The following CDH8 variants were observed in gnomAD, a reference collection of about 807,000 sequenced individuals.
CDH8 encodes cadherin-8.
In CDH8, 17 loss-of-function variants were observed where a neutral mutation model predicts 68.1. The ratio of observed to expected loss-of-function variants is 0.25; its 90% CI spans 0.17 to 0.37. The LOEUF is 0.37. Among genes scored for constraint, CDH8 ranks in the 10% least tolerant of loss-of-function variants. The pLI, the probability that CDH8 is intolerant of heterozygous loss-of-function variation, is 1.00. For missense variants in CDH8, 763 were observed against 999.3 expected (o/e 0.76, Z 3.19); for synonymous variants, 372 against 365.1 (o/e 1.02, Z -0.21).
intron 1 of CDH8, among the ~76,000 whole-genome samples, chr16:62,021,840 A>G (rs987425775): frequency 6.6e-6 from 1 of 152,112 alleles, no homozygotes. Flanking sequence ...TGGTTTGCGT[A>G]ATAGAAGTTC....
In CDH8 at chr16:61,823,493, C is replaced by T. The variant is rs539253283; in HGVS notation, c.835+1519G>A. Among the ~76,000 whole-genome samples, 7 of 152,028 alleles carry T rather than the reference C, an allele frequency of 4.6e-5. 1 individual carries two copies. The South Asian group carries it at 1.5e-3, about 32-fold the overall frequency. ...CTCAACTATGCATCACACTCATACA[C>T]TTTTCTCTGCATCCAACACAACTAC... is the stretch of plus-strand genomic sequence containing the variant. On this transcript the variant is annotated intron_variant, in intron 5 of 11. Coordinates refer to ENST00000577390, the MANE Select transcript of CDH8 (RefSeq NM_001796.5).
intron 10 of CDH8, among the ~76,000 whole-genome samples, chr16:61,669,903 A>G (rs1963757076): frequency 6.6e-6 from 1 of 151,914 alleles, no homozygotes; most frequent in South Asian, 2.1e-4. Flanking sequence ...CTCTTTACAA[A>G]CTGTTAACCT....
intron 2 of CDH8, among the ~76,000 whole-genome samples, chr16:61,966,875 C>A (rs1292347946): frequency 6.6e-6 from 1 of 152,116 alleles, no homozygotes; most frequent in Admixed American, 6.6e-5. Flanking sequence ...GCTAAAGCAA[C>A]CATGAAAAAT....
intron 9 of CDH8, among the ~76,000 whole-genome samples, chr16:61,724,823 A>G (rs1959301038): frequency 6.6e-6 from 1 of 150,764 alleles, no homozygotes; most frequent in Admixed American, 6.6e-5. Flanking sequence ...ATCTTTGTTG[A>G]ACTTCTATAA....
At chr16:61,783,754 C>G (rs1017915631) in intron 8 of CDH8, among the ~76,000 whole-genome samples, 72 of 152,044 alleles carry the variant, frequency 4.7e-4, no homozygotes, top group African/African-American at 1.7e-3. Flanking sequence ...AGAAACCCTA[C>G]AAGCCAGAAG....
intron 8 of CDH8, among the ~76,000 whole-genome samples, chr16:61,775,538 C>T (rs959832586): frequency 1.8e-4 from 28 of 152,086 alleles, no homozygotes; most frequent in South Asian, 6.2e-4. Flanking sequence ...GATCATGTGG[C>T]TTGTTTTGGT....
chr16:61,719,100 C>G (rs377486320), intron 9 of CDH8, among the ~76,000 whole-genome samples: 29 of 150,836 alleles, frequency 1.9e-4, no homozygotes, highest in African/African-American at 6.5e-4. Context: ...TTATTCCATA[C>G]CCATTCAACA....
chr16:61,825,930 T>C (rs1319410543), intron 4 of CDH8, among the ~76,000 whole-genome samples: 2 of 151,964 alleles, frequency 1.3e-5, no homozygotes, highest in Non-Finnish European at 2.9e-5. Context: ...TGGGTTTGTC[T>C]GTTTGTTTCA....
intron 1 of CDH8, among the ~76,000 whole-genome samples, chr16:62,024,690 G>A (rs1161038582): frequency 2.0e-5 from 3 of 152,266 alleles, no homozygotes; most frequent in Admixed American, 6.5e-5. Context: ...GTGTAGTCAC[G>A]AATAGTATCC....
In CDH8 at chr16:61,959,204, A is replaced by G. The variant is rs74862449; in HGVS notation, c.253-57731T>C. On this transcript the variant is annotated intron_variant, in intron 2 of 11. Coordinates refer to ENST00000577390, the MANE Select transcript of CDH8 (RefSeq NM_001796.5). ...GGGCACCTCTCACATAGGAAAGGCC[A>G]GGCTCTACTATACTTATTCACCTGC... Among the ~76,000 whole-genome samples, 1,416 of 152,268 alleles carry G rather than the reference A, an allele frequency of 9.3e-3. 30 individuals carry two copies. The highest frequency in any genetic ancestry group is 0.032 in the African/African-American group (1,320 of 41,530).
chr16:61,817,527 A>G lies in CDH8; in HGVS notation c.1229T>C (p.Ile410Thr), dbSNP rs1334951054. The G allele has an allele frequency of 6.2e-7, 1 of 1,613,978 alleles. No homozygotes were observed. Among genetic ancestry groups the G allele is most frequent in the Non-Finnish European group, 8.5e-7 (1 of 1,179,932 alleles). ...AGGGTCACGAGCAGTCACTTGCCCA[A>G]TCACGGAGTTTAGAGCAGCATTTTC... Reference protein sequence around the residue: ...VHENAALNSVIGQVTARDPDI... With the variant: ...VHENAALNSVTGQVTARDPDI... Residue 410 changes from isoleucine (I) to threonine (T), a missense_variant, in exon 7 of 12, where the codon ATT becomes ACT. Physicochemically the swap from Ile to Thr is moderately conservative, Grantham distance 89. Coordinates refer to ENST00000577390, the MANE Select transcript of CDH8 (RefSeq NM_001796.5).
chr16:61,768,398 TTCTCTCTCTCTC>T (rs530131371), intron 8 of CDH8, among the ~76,000 whole-genome samples: 2 of 35,202 alleles, frequency 5.7e-5, no homozygotes, highest in Admixed American at 7.5e-4. Flanking sequence ...CTCTCTCCCT[TTCTCTCTCTCTC>T]TCTCTCTCTC....
chr16:61,960,039 A>C lies in CDH8; in HGVS notation c.253-58566T>G, dbSNP rs554908860. 9.4e-4 allele frequency among the ~76,000 whole-genome samples: 116 copies of C among 123,284 alleles called. 19 individuals carry two copies. The highest frequency in any genetic ancestry group is 1.7e-3 in the Non-Finnish European group (97 of 56,238). The allele number at this position is 123,284 out of a possible 152,430, so 80.9% of individuals were successfully genotyped here. ...ATACACACATACACACACACACACAACATATATGTATGTATGTGTGTGTGT... is the reference window on the plus strand; with the variant it reads ...ATACACACATACACACACACACACACCATATATGTATGTATGTGTGTGTGT... On this transcript the variant is annotated intron_variant, in intron 2 of 11. Transcript: ENST00000577390.
rs1963338081 is a variant in CDH8 at position 61,652,232 on chromosome 16, T to C, written c.*1376A>G. 3 of 983,706 alleles carry C rather than the reference T, an allele frequency of 3.0e-6. No homozygotes were observed. In the South Asian group the frequency reaches 1.4e-4, roughly 46 times the overall value. 60.9% of individuals were successfully genotyped at this position (983,706 alleles called of 1,614,324 possible). On this transcript the variant is annotated 3_prime_UTR_variant, in exon 12 of 12. Coordinates refer to ENST00000577390, the MANE Select transcript of CDH8 (RefSeq NM_001796.5). ...CTTCTAGTGCTGTTCCTTTTTGGAG[T>C]CTAAGACATTCTGTGCATCACCATG...
intron 7 of CDH8, among the ~76,000 whole-genome samples, chr16:61,791,395 T>C (rs1180999692): frequency 6.6e-6 from 1 of 151,988 alleles, no homozygotes; most frequent in Non-Finnish European, 1.5e-5. Flanking sequence ...ACCAATGATA[T>C]TCCAAGTTTA....
chr16:61,668,668 G>GAAAAAAAA (rs10650925), intron 10 of CDH8, among the ~76,000 whole-genome samples: 1 of 139,680 alleles, frequency 7.2e-6, no homozygotes. Context: ...AACCACTTAG[G>GAAAAAAAA]AAAAAAAAAA....
At chr16:61,815,193 G>T (rs1421199304) in intron 7 of CDH8, among the ~76,000 whole-genome samples, 2 of 152,066 alleles carry the variant, frequency 1.3e-5, no homozygotes, top group Admixed American at 1.3e-4. Context: ...ATCCCCTTTA[G>T]CTTTCCTGAA....
intron 3 of CDH8, among the ~76,000 whole-genome samples, chr16:61,887,010 C>G (rs1486320331): frequency 6.6e-6 from 1 of 152,180 alleles, no homozygotes; most frequent in Admixed American, 6.5e-5. Context: ...AGACTTGAAA[C>G]AGGTTAGAGG....
intron 2 of CDH8, among the ~76,000 whole-genome samples, chr16:61,990,380 T>C (rs1249630244): frequency 1.5e-5 from 2 of 136,196 alleles, no homozygotes; most frequent in Non-Finnish European, 3.1e-5. Context: ...AGTGGCACAA[T>C]CTTGGCTCAC....
Sources: gnomAD v4.1 joint callset for allele counts (sites outside exome capture counted in the v4.1 genomes callset) on GRCh38, gnomAD v4.1.1 for gene constraint, MANE v1.5 for transcripts, NCBI Gene and HGNC (gene_info 2026-07-23, HGNC 2026-07-21) for gene names.